The following SUPT7L variants were observed in gnomAD, a reference collection of about 807,000 sequenced individuals.
The protein encoded by SUPT7L is STAGA complex 65 subunit gamma.
SUPT7L carries 15 observed loss-of-function variants against 35.7 expected under a neutral mutation model. That is an observed-to-expected ratio of 0.42 (90% CI 0.28 to 0.65). SUPT7L has a LOEUF of 0.65. Among genes scored for constraint, SUPT7L ranks in the 30% least tolerant of loss-of-function variants. SUPT7L has a pLI of 0.23. For synonymous variants in SUPT7L, 168 were observed against 186.2 expected, an observed-to-expected ratio of 0.90 and a Z score of 0.79; for missense variants, 434 against 522.2, an observed-to-expected ratio of 0.83 and a Z score of 1.65.
chr2:27,662,092 A>C, intron 2 of SUPT7L, 87 bp downstream of exon 2: 1 of 1,590,274 alleles, frequency 6.3e-7, no homozygotes, highest in Non-Finnish European at 8.6e-7. Context: ...TAAAACTTAA[A>C]TCAAATGGCT....
At chr2:27,662,893 C>T (rs989586528) in intron 1 of SUPT7L, among the ~76,000 whole-genome samples, 14 of 152,018 alleles carry the variant, frequency 9.2e-5, no homozygotes, top group Admixed American at 7.9e-4. Flanking sequence ...AATCCTCCCA[C>T]CTCAGCCTCT....
downstream of SUPT7L, among the ~76,000 whole-genome samples, chr2:27,646,446 A>C (rs1441744327): frequency 6.6e-6 from 1 of 152,194 alleles, no homozygotes; most frequent in Non-Finnish European, 1.5e-5. Flanking sequence ...GTATGTATGA[A>C]GGCTTTTGAT....
chr2:27,655,653 G>T (rs1310996306), intron 4 of SUPT7L, 51 bp from the exon 5 acceptor site: 2 of 1,478,448 alleles, frequency 1.4e-6, no homozygotes, highest in Non-Finnish European at 1.8e-6. Flanking sequence ...AAGCAAGTTG[G>T]ATAGTCAGCT....
chr2:27,642,666 C>T, the SUPT7L span: 1 of 572,514 alleles, frequency 1.7e-6, no homozygotes, highest in South Asian at 2.0e-5. Context: ...CAGGTTCAAG[C>T]AGTTCTCCTG....
chr2:27,647,392 T>C (rs1271629680), downstream of SUPT7L, among the ~76,000 whole-genome samples: 2 of 152,204 alleles, frequency 1.3e-5, no homozygotes, highest in Admixed American at 1.3e-4. Flanking sequence ...TTGATAACAT[T>C]TCACCCTGTA....
intron 4 of SUPT7L, 81 bp from the exon 5 acceptor site, chr2:27,655,683 G>A (rs902648471): frequency 4.1e-6 from 5 of 1,213,542 alleles, no homozygotes; most frequent in Admixed American, 2.4e-5. Flanking sequence ...CCATGGAAAA[G>A]CCAACAGAAC....
At chr2:27,644,721 G>T in the SUPT7L span, among the ~76,000 whole-genome samples, 5 of 130,780 alleles carry the variant, frequency 3.8e-5, no homozygotes, top group Admixed American at 2.9e-4. Flanking sequence ...TTTTTTGGTA[G>T]TGTTTTTTTT....
chr2:27,658,496 T>G (rs1674901976), intron 3 of SUPT7L, among the ~76,000 whole-genome samples: 1 of 152,252 alleles, frequency 6.6e-6, no homozygotes, highest in Non-Finnish European at 1.5e-5. Flanking sequence ...AAGAAGCTTT[T>G]AATAATTTAC....
chr2:27,663,606 T>A lies in SUPT7L; in HGVS notation c.-367A>T. On this transcript the variant is annotated 5_prime_UTR_variant, in exon 1 of 6. Transcript: ENST00000337768. ...AGACCCCGAAAGCTGGTTTGTTGAT[T>A]AGTGATCTAAGACCGCCGGAAGCGC... 1.4e-6 allele frequency: 1 copy of A among 707,690 alleles called. No individual in the cohort carries two copies. The highest frequency in any genetic ancestry group is 2.3e-6 in the Non-Finnish European group (1 of 426,138). 43.8% of individuals were successfully genotyped at this position (707,690 alleles called of 1,614,324 possible). A position where few individuals can be genotyped will look rare whatever the true frequency, so the allele number is the denominator to read the frequency against.
chr2:27,653,842 G>T, intron 5 of SUPT7L, 95 bp from the exon 6 acceptor site: 8 of 1,445,810 alleles, frequency 5.5e-6, no homozygotes, highest in Non-Finnish European at 7.6e-6. Context: ...CAACTAATAT[G>T]CTTTGAGCTC....
the SUPT7L span, among the ~76,000 whole-genome samples, chr2:27,642,952 T>TACACACACACACACACAC: frequency 4.5e-4 from 17 of 38,056 alleles, no homozygotes; most frequent in Admixed American, 4.9e-3. Context: ...TTTATATATA[T>TACACACACACACACACAC]ATATATACAC....
intron 1 of SUPT7L, among the ~76,000 whole-genome samples, 182 bp downstream of exon 1, chr2:27,663,147 A>C (rs886943504): frequency 1.3e-5 from 2 of 151,546 alleles, no homozygotes; most frequent in South Asian, 2.1e-4. Context: ...TCTTATCCCC[A>C]TTTTTCAGAG....
chr2:27,649,184 G>A (rs567490696), downstream of SUPT7L, among the ~76,000 whole-genome samples: 9 of 151,814 alleles, frequency 5.9e-5, no homozygotes, highest in Non-Finnish European at 1.2e-4. Flanking sequence ...GGCGGAGGCT[G>A]CAGTGAACTG....
At chr2:27,662,359 C>T (rs1675152229) in intron 1 of SUPT7L, 78 bp from the exon 2 acceptor site, 1 of 688,440 alleles carries the variant, frequency 1.5e-6, no homozygotes, top group East Asian at 2.8e-5. Flanking sequence ...GTATATGGAC[C>T]TGGGGTACTG....
At chr2:27,655,281 C>T in intron 5 of SUPT7L, 84 bp downstream of exon 5, 2 of 1,261,930 alleles carry the variant, frequency 1.6e-6, no homozygotes, top group Admixed American at 2.5e-5. Flanking sequence ...GTTCTTCTAC[C>T]TCTTGAGCTT....
At chr2:27,643,359 A>G in the SUPT7L span, among the ~76,000 whole-genome samples, 1 of 151,928 alleles carries the variant, frequency 6.6e-6, no homozygotes, top group African/African-American at 2.4e-5. This position sits in a 1 kb window ranked among gnomAD's most constrained non-coding sequence, Gnocchi z 4.0. Flanking sequence ...TTATATAAAT[A>G]TATATTTTTC....
chr2:27,656,553 T>C (rs1674812089), intron 4 of SUPT7L, among the ~76,000 whole-genome samples: 1 of 148,558 alleles, frequency 6.7e-6, no homozygotes, highest in Middle Eastern at 3.8e-3. Context: ...CTATATTAGA[T>C]ATATATATTA....
intron 3 of SUPT7L, 99 bp downstream of exon 3, chr2:27,660,885 C>T: frequency 4.2e-6 from 6 of 1,425,490 alleles, no homozygotes; most frequent in Non-Finnish European, 4.7e-6. Context: ...CTCTTATCCT[C>T]AGTTTCCTCG....
downstream of SUPT7L, chr2:27,650,019 A>G (rs1464222757): frequency 5.6e-6 from 4 of 719,602 alleles, no homozygotes; most frequent in African/African-American, 7.0e-5. Flanking sequence ...TAAGTTTCTT[A>G]GAAGTAATGT....
Sources: allele counts gnomAD v4.1 joint callset (sites outside exome capture counted in the v4.1 genomes callset), GRCh38; gene constraint gnomAD v4.1.1; non-coding constraint Gnocchi (gnomAD v3.1); transcripts MANE v1.5; gene names NCBI Gene and HGNC (gene_info 2026-07-23, HGNC 2026-07-21).